PDPR: variants seen among roughly 807,000 people sequenced by gnomAD.
The protein encoded by PDPR is pyruvate dehydrogenase phosphatase regulatory subunit, mitochondrial.
PDPR carries 50 observed loss-of-function variants against 102.2 expected under a neutral mutation model. The ratio of observed to expected loss-of-function variants is 0.49; its 90% CI spans 0.39 to 0.62. The LOEUF is 0.62. PDPR is among the 20% of genes least tolerant of loss of function. The pLI is 0.00. For synonymous variants in PDPR, 259 were observed against 406.0 expected (o/e 0.64, Z 4.35); for missense variants, 625 against 1,098.2 (o/e 0.57, Z 6.09).
At chr16:70,139,241 G>A (rs957973539) in intron 11 of PDPR, among the ~76,000 whole-genome samples, 5 of 152,232 alleles carry the variant, frequency 3.3e-5, no homozygotes, top group African/African-American at 1.2e-4. Flanking sequence ...TTCATTCTGA[G>A]AACAAGAAAA....
chr16:70,150,300 C>G (rs571537321), intron 17 of PDPR, among the ~76,000 whole-genome samples: 1 of 151,944 alleles, frequency 6.6e-6, no homozygotes. Context: ...GACAGGATTT[C>G]ACCATGTTGG....
chr16:70,163,145 G>A (rs1339987080), downstream of PDPR, among the ~76,000 whole-genome samples: 4 of 152,224 alleles, frequency 2.6e-5, no homozygotes, highest in Admixed American at 2.0e-4. Flanking sequence ...ACGGGGTTTC[G>A]CCAGGTTGGC....
chr16:70,153,605 C>G, intron 18 of PDPR, 32 bp downstream of exon 18: 1 of 1,558,068 alleles, frequency 6.4e-7, no homozygotes, highest in Non-Finnish European at 8.7e-7. Context: ...CACTTTCACT[C>G]AGCATCCCGA....
At chr16:70,135,615 T>G (rs1253506258) in intron 9 of PDPR, among the ~76,000 whole-genome samples, 2 of 152,286 alleles carry the variant, frequency 1.3e-5, no homozygotes, top group Non-Finnish European at 2.9e-5. Context: ...TTCAAGATTA[T>G]TATCTGTAGA....
At chr16:70,134,503 G>A (rs549166150) in intron 9 of PDPR, among the ~76,000 whole-genome samples, 1 of 149,234 alleles carries the variant, frequency 6.7e-6, no homozygotes, top group Non-Finnish European at 1.5e-5. Flanking sequence ...GGGATTACCG[G>A]TATGAGCCAC....
chr16:70,116,427 AGGAGTGCAGTAGCATAATCTC>A (rs1373426755), intron 2 of PDPR, among the ~76,000 whole-genome samples: 1 of 149,174 alleles, frequency 6.7e-6, no homozygotes, highest in Non-Finnish European at 1.5e-5. Context: ...TCACCCAGGC[AGGAGTGCAGTAGCATAATCTC>A]GGCTCACTGC....
intron 17 of PDPR, among the ~76,000 whole-genome samples, chr16:70,152,385 G>T (rs35342581): frequency 1.3e-5 from 2 of 152,100 alleles, no homozygotes; most frequent in South Asian, 4.1e-4. Flanking sequence ...TGGGTGTGGC[G>T]GCAGCCACCT....
chr16:70,133,421 CTT>C (rs1162339028), intron 9 of PDPR, among the ~76,000 whole-genome samples: 6 of 103,658 alleles, frequency 5.8e-5, no homozygotes, highest in East Asian at 4.1e-4. Context: ...TGCGTCTGGC[CTT>C]TTTTTTTTTT....
chr16:70,125,383 C>CAAAA (rs1165277642), intron 3 of PDPR, among the ~76,000 whole-genome samples: 59 of 124,074 alleles, frequency 4.8e-4, no homozygotes, highest in East Asian at 1.1e-3. Flanking sequence ...TCTAAAAAAA[C>CAAAA]AAACAAACAA....
At chr16:70,130,224 C>T (rs1165366649) in intron 6 of PDPR, among the ~76,000 whole-genome samples, 199 bp from the exon 7 acceptor site, 1 of 152,250 alleles carries the variant, frequency 6.6e-6, no homozygotes, top group African/African-American at 2.4e-5. Context: ...ACCCAGGAGG[C>T]AGAGAGCGAG....
At chr16:70,121,689 C>CAAAAA (rs145401299) in intron 3 of PDPR, among the ~76,000 whole-genome samples, 3 of 141,226 alleles carry the variant, frequency 2.1e-5, no homozygotes, top group Admixed American at 1.5e-4. Context: ...GAGACTGTCT[C>CAAAAA]AAAAAAAAAA....
intron 11 of PDPR, among the ~76,000 whole-genome samples, chr16:70,139,664 C>A (rs1468614664): frequency 2.0e-5 from 3 of 152,266 alleles, no homozygotes; most frequent in Non-Finnish European, 4.4e-5. Flanking sequence ...CTACCTTGAT[C>A]TCTGATTTAT....
At chr16:70,150,011 C>T (rs917524517) in intron 17 of PDPR, among the ~76,000 whole-genome samples, 1 of 151,944 alleles carries the variant, frequency 6.6e-6, no homozygotes. Flanking sequence ...AGAATGGTCT[C>T]GATCTCCTAC....
intron 16 of PDPR, among the ~76,000 whole-genome samples, chr16:70,147,994 GT>G (rs1306476634): frequency 6.6e-6 from 1 of 152,232 alleles, no homozygotes; most frequent in Non-Finnish European, 1.5e-5. Flanking sequence ...TATGTAACGT[GT>G]TCTGAGAATC....
At chr16:70,135,730 G>T (rs1348706147) in intron 9 of PDPR, among the ~76,000 whole-genome samples, 1 of 152,232 alleles carries the variant, frequency 6.6e-6, no homozygotes, top group African/African-American at 2.4e-5. Flanking sequence ...ATTCTACCAA[G>T]GTTTCTGCTT....
chr16:70,138,330 T>A (rs1239128752), intron 10 of PDPR, among the ~76,000 whole-genome samples: 1 of 151,100 alleles, frequency 6.6e-6, no homozygotes, highest in African/African-American at 2.4e-5. Flanking sequence ...GCAATTCTCC[T>A]TCCTCAGCCT....
intron 9 of PDPR, among the ~76,000 whole-genome samples, 186 bp from the exon 10 acceptor site, chr16:70,136,008 G>T (rs1290151735): frequency 1.3e-5 from 2 of 151,572 alleles, no homozygotes; most frequent in Admixed American, 6.6e-5. Context: ...GGCAGAGGTT[G>T]CAGTGAGCCG....
At chr16:70,124,876 G>A (rs1338831195) in intron 3 of PDPR, among the ~76,000 whole-genome samples, 2 of 152,270 alleles carry the variant, frequency 1.3e-5, no homozygotes, top group Non-Finnish European at 2.9e-5. Context: ...TTTATTTACT[G>A]AGTGATAAAT....
intron 17 of PDPR, among the ~76,000 whole-genome samples, chr16:70,151,091 C>G (rs1966699426): frequency 6.6e-6 from 1 of 152,268 alleles, no homozygotes; most frequent in South Asian, 2.1e-4. Flanking sequence ...CACGCCACCA[C>G]ACTCGGCTAA....
Sources: allele counts gnomAD v4.1 joint callset (sites outside exome capture counted in the v4.1 genomes callset), GRCh38; gene constraint gnomAD v4.1.1; transcripts MANE v1.5; gene names NCBI Gene and HGNC (gene_info 2026-07-23, HGNC 2026-07-21).